The following STAT5B variants were observed in gnomAD, a reference collection of about 807,000 sequenced individuals.
The protein encoded by STAT5B is transcription factor STAT5B.
A neutral mutation model predicts 107.8 loss-of-function variants in STAT5B; 21 were observed. That is an observed-to-expected ratio of 0.19 (90% confidence interval 0.14 to 0.28). The LOEUF is 0.28. Among genes scored for constraint, STAT5B ranks in the 10% least tolerant of loss-of-function variants. The pLI, the probability that STAT5B is intolerant of heterozygous loss-of-function variation, is 1.00. For synonymous variants in STAT5B, 325 were observed against 401.7 expected (o/e 0.81, Z 2.28); for missense variants, 565 against 1,008.2 (o/e 0.56, Z 5.95).
Position 42,219,682 on chromosome 17 carries a change from C to T in STAT5B, c.681+30G>A, listed in dbSNP as rs375480112. ...CCAGAGACTGACTTCATGGCACCCA[C>T]GCCCAGGAGAGGCCCAGGACCCCAC... On this transcript the variant is annotated intron_variant, in intron 6 of 18. Transcript: ENST00000293328. 2.6e-5 allele frequency: 42 copies of T among 1,588,514 alleles called. No individual in the cohort carries two copies. In the African/African-American group the frequency reaches 3.3e-4, roughly 13 times the overall value.
intron 1 of STAT5B, among the ~76,000 whole-genome samples, chr17:42,257,926 A>C (rs1219080632): frequency 1.3e-5 from 2 of 152,190 alleles, no homozygotes; most frequent in Non-Finnish European, 1.5e-5. Context: ...AATATAATGA[A>C]TTTTATGAGA....
rs16967591 is a variant in STAT5B, at chr17:42,233,341, G to A, written c.-10-1204C>T. On this transcript the variant is annotated intron_variant, in intron 1 of 18. Coordinates refer to ENST00000293328, the MANE Select transcript of STAT5B (RefSeq NM_012448.4). ...CACAGATTTATCTGGAAAAATGCCC[G>A]AAGGTTCACCTCCTGAGTTACTGCT... Among the ~76,000 whole-genome samples, 1,419 of 152,196 alleles carry A rather than the reference G, an allele frequency of 9.3e-3. 16 individuals are homozygous for A. The highest frequency in any genetic ancestry group is 0.033 in the African/African-American group (1,357 of 41,510).
intron 1 of STAT5B, among the ~76,000 whole-genome samples, chr17:42,256,799 G>A (rs1037875701): frequency 8.3e-5 from 12 of 143,812 alleles, no homozygotes; most frequent in African/African-American, 2.1e-4. Context: ...GAAGCAGAGC[G>A]TGCAGTGAAC....
chr17:42,224,896 T>A lies in STAT5B; in HGVS notation c.286-28A>T. 2 of 1,611,632 alleles carry A rather than the reference T, an allele frequency of 1.2e-6. 1 individual carries two copies. The highest frequency in any genetic ancestry group is 2.7e-5 in the African/African-American group (2 of 74,888). On this transcript the variant is annotated intron_variant, in intron 3 of 18. Coordinates refer to ENST00000293328, the MANE Select transcript of STAT5B (RefSeq NM_012448.4). The stretch of plus-strand genomic sequence containing the variant: ...GAAAGAATCCAACAGCAGACATCAC[T>A]TTGTGCCACTCCACACTATGGGCCC...
chr17:42,232,533 G>A (rs2080325784), intron 1 of STAT5B, among the ~76,000 whole-genome samples: 1 of 152,148 alleles, frequency 6.6e-6, no homozygotes, highest in Non-Finnish European at 1.5e-5. Context: ...ACAGGCGTGA[G>A]CCACCACGTT....
At chr17:42,215,743 C>G (rs2080165629) in intron 12 of STAT5B, among the ~76,000 whole-genome samples, 1 of 152,088 alleles carries the variant, frequency 6.6e-6, no homozygotes, top group African/African-American at 2.4e-5. Context: ...CTCAGCCTCC[C>G]AAGTAGCTGG....
At chr17:42,208,167 C>T (rs998050175) in intron 15 of STAT5B, among the ~76,000 whole-genome samples, 6 of 152,038 alleles carry the variant, frequency 3.9e-5, no homozygotes, top group African/African-American at 1.4e-4. Context: ...GCTGGGATTA[C>T]AGGCGTGAGC....
rs2144188631 is a variant in STAT5B, at chr17:42,200,840, A to C, written c.*898T>G. On this transcript the variant is annotated 3_prime_UTR_variant, in exon 19 of 19. Transcript: ENST00000293328. ...CCGCTGGCTCAGAGAAAGGCTGGGC[A>C]GCCGGAACAGCAGCTTCCTGGGTAA... The C allele has an allele frequency of 2.6e-6, 1 of 380,490 alleles. No homozygotes were observed. The highest frequency in any genetic ancestry group is 1.5e-4 in the South Asian group (1 of 6,870). The allele number at this position is 380,490 out of a possible 1,614,324, so 23.6% of individuals were successfully genotyped here. A position where few individuals can be genotyped will look rare whatever the true frequency, so the allele number is the denominator to read the frequency against.
chr17:42,263,603 T>G (rs2080637315), intron 1 of STAT5B, among the ~76,000 whole-genome samples: 2 of 152,158 alleles, frequency 1.3e-5, no homozygotes, highest in Non-Finnish European at 2.9e-5. Flanking sequence ...CACAGCTCAT[T>G]GCAGCCTCGA....
chr17:42,276,516 A>G (rs1045078018), upstream of STAT5B: 4 of 150,704 alleles, frequency 2.7e-5, no homozygotes, highest in Admixed American at 2.0e-4. The surrounding 1 kb of genome is among the most constrained non-coding windows in gnomAD (Gnocchi z 4.8). Context: ...CGCGCTCGCT[A>G]GCCCGCTGTC....
At chr17:42,278,959 G>A (rs545410419), upstream of STAT5B, among the ~76,000 whole-genome samples, 6 of 151,254 alleles carry the variant, frequency 4.0e-5, no homozygotes, top group South Asian at 1.0e-3. Flanking sequence ...AGCCTGGGGC[G>A]ACAGAGTGAG....
At chr17:42,206,638 G>A (rs914690647) in intron 16 of STAT5B, among the ~76,000 whole-genome samples, 1 of 151,886 alleles carries the variant, frequency 6.6e-6, no homozygotes. Flanking sequence ...GCAATGGCAC[G>A]ATTTCAGCTC....
At chr17:42,202,889 T>A (rs936784410) in intron 16 of STAT5B, 81 bp from the exon 17 acceptor site, 1 of 1,566,748 alleles carries the variant, frequency 6.4e-7, no homozygotes, top group African/African-American at 1.4e-5. Flanking sequence ...CATCTTTTCT[T>A]AGGACAGAAC....
At chr17:42,202,988 G>T in intron 16 of STAT5B, 180 bp from the exon 17 acceptor site, 1 of 797,564 alleles carries the variant, frequency 1.3e-6, no homozygotes. Flanking sequence ...TCTCATCCAG[G>T]CTGGAGTACG....
intron 1 of STAT5B, among the ~76,000 whole-genome samples, chr17:42,265,395 G>GTTTTTTTTTT (rs1567678433): frequency 1.4e-5 from 1 of 69,958 alleles, no homozygotes; most frequent in African/African-American, 9.4e-5. Flanking sequence ...TTTTTGAGAC[G>GTTTTTTTTTT]AAGTCTCGCT....
chr17:42,203,491 G>T (rs912966669), intron 16 of STAT5B, among the ~76,000 whole-genome samples: 2 of 152,068 alleles, frequency 1.3e-5, no homozygotes, highest in African/African-American at 4.8e-5. Context: ...CTGACCCAGG[G>T]GATAAAATCA....
intron 1 of STAT5B, among the ~76,000 whole-genome samples, chr17:42,242,356 T>C (rs1297082824): frequency 6.6e-6 from 1 of 152,168 alleles, no homozygotes; most frequent in African/African-American, 2.4e-5. Flanking sequence ...TGACAGTTGT[T>C]GGGGAACAGC....
intron 1 of STAT5B, among the ~76,000 whole-genome samples, chr17:42,256,463 T>C (rs1481284886): frequency 6.6e-6 from 1 of 152,206 alleles, no homozygotes; most frequent in Non-Finnish European, 1.5e-5. Flanking sequence ...ACCTGCTGTA[T>C]TGAGATTAAA....
At chr17:42,225,516 C>T (rs1407932685) in intron 3 of STAT5B, among the ~76,000 whole-genome samples, 1 of 152,118 alleles carries the variant, frequency 6.6e-6, no homozygotes, top group Non-Finnish European at 1.5e-5. Flanking sequence ...AAGGACAAGT[C>T]ACCTACAATT....
Sources: allele counts gnomAD v4.1 joint callset (sites outside exome capture counted in the v4.1 genomes callset), GRCh38; gene constraint gnomAD v4.1.1; non-coding constraint Gnocchi (gnomAD v3.1); transcripts MANE v1.5; gene names NCBI Gene and HGNC (gene_info 2026-07-23, HGNC 2026-07-21).